The following SYNE3 variants were observed in gnomAD, a reference collection of about 807,000 sequenced individuals.
SYNE3 encodes spectrin repeat containing nuclear envelope family member 3.
A neutral mutation model predicts 111.2 loss-of-function variants in SYNE3; 100 were observed. The ratio of observed to expected loss-of-function variants is 0.90; its 90% CI spans 0.77 to 1.06. SYNE3 has a LOEUF of 1.06. Ranked by LOEUF, SYNE3 falls within the 50% of genes least tolerant of loss-of-function variation. The probability of loss-of-function intolerance (pLI) is 0.00; values close to 1 mark genes in which losing one functional copy is unlikely to be tolerated. For missense variants in SYNE3, 1,160 were observed against 1,240.3 expected, an observed-to-expected ratio of 0.94 and a Z score of 0.97; for synonymous variants, 547 against 533.9, an observed-to-expected ratio of 1.02 and a Z score of -0.34.
At chr14:95,434,499 A>T (rs549981121) in intron 15 of SYNE3, among the ~76,000 whole-genome samples, 1 of 152,012 alleles carries the variant, frequency 6.6e-6, no homozygotes. Flanking sequence ...CCAGAAGTAA[A>T]CCTGGACCTT....
chr14:95,494,489 G>A (rs1353750102), intron 1 of SYNE3, among the ~76,000 whole-genome samples: 8 of 152,208 alleles, frequency 5.3e-5, no homozygotes, highest in Admixed American at 5.2e-4. Flanking sequence ...GGATGGGTTT[G>A]GCAATTGTTA....
At chr14:95,469,659 C>A (rs1016173096) in intron 2 of SYNE3, among the ~76,000 whole-genome samples, 1 of 151,758 alleles carries the variant, frequency 6.6e-6, no homozygotes, top group South Asian at 2.1e-4. Flanking sequence ...TGCAGTGAGC[C>A]GTGATCAAAC....
chr14:95,486,242 G>GC (rs1216724412), intron 1 of SYNE3, among the ~76,000 whole-genome samples: 5 of 151,926 alleles, frequency 3.3e-5, no homozygotes, highest in Admixed American at 3.3e-4. Flanking sequence ...AGAAGATCTG[G>GC]CCCAGTGGGG....
At chr14:95,472,938 C>T (rs748793800) in intron 2 of SYNE3, among the ~76,000 whole-genome samples, 14 of 152,284 alleles carry the variant, frequency 9.2e-5, no homozygotes, top group African/African-American at 2.9e-4. Context: ...TCAGAGCCCA[C>T]GTCCCTGTCA....
chr14:95,458,023 G>T (rs1887574694), intron 4 of SYNE3, among the ~76,000 whole-genome samples: 1 of 152,192 alleles, frequency 6.6e-6, no homozygotes, highest in Admixed American at 6.5e-5. Context: ...TCTATTTTCA[G>T]CCAGTCCCAC....
intron 9 of SYNE3, 59 bp from the exon 10 acceptor site, chr14:95,444,687 G>A: frequency 6.7e-7 from 1 of 1,499,966 alleles, no homozygotes; most frequent in South Asian, 1.4e-5. Flanking sequence ...ACCGTGTTGT[G>A]AGACCCGACC....
chr14:95,424,515 A>C (rs1367248496), intron 17 of SYNE3, among the ~76,000 whole-genome samples: 1 of 152,240 alleles, frequency 6.6e-6, no homozygotes, highest in Non-Finnish European at 1.5e-5. Context: ...CCATTACAAA[A>C]GCAATGGTAG....
intron 15 of SYNE3, among the ~76,000 whole-genome samples, chr14:95,435,448 A>G (rs1243175451): frequency 6.6e-6 from 1 of 152,190 alleles, no homozygotes; most frequent in Non-Finnish European, 1.5e-5. Context: ...AAAGGATGAA[A>G]AATACACAGG....
At chr14:95,439,498 C>G in intron 13 of SYNE3, 114 bp downstream of exon 13, 1 of 1,409,614 alleles carries the variant, frequency 7.1e-7, no homozygotes, top group Non-Finnish European at 9.8e-7. Flanking sequence ...GCCCACGGCC[C>G]CTGGCTCCAC....
At chr14:95,454,589 C>T (rs2139434894) in intron 6 of SYNE3, among the ~76,000 whole-genome samples, 1 of 152,346 alleles carries the variant, frequency 6.6e-6, no homozygotes, top group South Asian at 2.1e-4. Flanking sequence ...TGCAGGGTAA[C>T]CTGTTCTGCT....
chr14:95,448,291 G>A (rs1886838535), intron 8 of SYNE3, among the ~76,000 whole-genome samples: 1 of 151,722 alleles, frequency 6.6e-6, no homozygotes, highest in Non-Finnish European at 1.5e-5. Context: ...AGGATGCCCT[G>A]AGGAGTACCT....
At chr14:95,473,030 C>A (rs1203010821) in intron 2 of SYNE3, among the ~76,000 whole-genome samples, 1 of 152,204 alleles carries the variant, frequency 6.6e-6, no homozygotes, top group Non-Finnish European at 1.5e-5. Context: ...GGGGGCAGGT[C>A]CCATGGGTAG....
rs1903538203 is a variant in SYNE3, at chr14:95,415,113, T to C, written c.*2713A>G. 1 of 151,322 alleles carries C rather than the reference T, an allele frequency of 6.6e-6. No homozygotes were observed. The highest frequency in any genetic ancestry group is 6.6e-5 in the Admixed American group (1 of 15,200). The allele number at this position is 151,322 out of a possible 1,614,324, so 9.4% of individuals were successfully genotyped here. ...TGTTTTTTTCATGTAGTTGCTGACATGAGCGGATCATACCACAATGAGCAG... is the reference window on the plus strand; with the variant it reads ...TGTTTTTTTCATGTAGTTGCTGACACGAGCGGATCATACCACAATGAGCAG... On this transcript the variant is annotated 3_prime_UTR_variant, in exon 18 of 18. Coordinates refer to ENST00000682763, the MANE Select transcript of SYNE3 (RefSeq NM_152592.6).
chr14:95,438,932 C>G, intron 14 of SYNE3, 101 bp downstream of exon 14: 2 of 1,510,964 alleles, frequency 1.3e-6, no homozygotes, highest in Admixed American at 3.5e-5. Context: ...CAGAGCAGAG[C>G]ATGTTGCCCC....
chr14:95,506,661 A>G (rs1191333463), intron 1 of SYNE3, among the ~76,000 whole-genome samples: 1 of 152,240 alleles, frequency 6.6e-6, no homozygotes, highest in Admixed American at 6.5e-5. Flanking sequence ...GGAGCACCCA[A>G]GGAAAAGAGG....
At chr14:95,444,715 C>G (rs1243461834) in intron 9 of SYNE3, 87 bp from the exon 10 acceptor site, 23 of 1,456,554 alleles carry the variant, frequency 1.6e-5, no homozygotes, top group Non-Finnish European at 2.1e-5. Context: ...CCAGGCTGCT[C>G]TTCGTCTCGG....
At chr14:95,475,977 G>A (rs993888807) in intron 1 of SYNE3, 142 bp from the exon 2 acceptor site, 1 of 770,622 alleles carries the variant, frequency 1.3e-6, no homozygotes, top group African/African-American at 1.8e-5. Context: ...GGCCAGAGGT[G>A]AGCACGTTTG....
chr14:95,490,244 T>G (rs1007428404), intron 1 of SYNE3, among the ~76,000 whole-genome samples: 2 of 152,232 alleles, frequency 1.3e-5, no homozygotes, highest in African/African-American at 4.8e-5. Flanking sequence ...AGCTAAAGGC[T>G]AATTATACCA....
chr14:95,435,173 A>C (rs1886016146), intron 15 of SYNE3, among the ~76,000 whole-genome samples: 1 of 152,238 alleles, frequency 6.6e-6, no homozygotes, highest in Non-Finnish European at 1.5e-5. Context: ...AGGTTTAAAA[A>C]TTTCAGCAAG....
Sources: allele counts gnomAD v4.1 joint callset (sites outside exome capture counted in the v4.1 genomes callset), GRCh38; gene constraint gnomAD v4.1.1; transcripts MANE v1.5; gene names NCBI Gene and HGNC (gene_info 2026-07-23, HGNC 2026-07-21).